NPAS4: variants seen among roughly 807,000 people sequenced by gnomAD.
NPAS4 encodes the protein neuronal PAS domain protein 4, also known as neuronal PAS domain-containing protein 4.
A neutral mutation model predicts 64.0 loss-of-function variants in NPAS4; 10 were observed. The observed-to-expected ratio is 0.16, with a 90% CI of 0.10 to 0.26. The LOEUF is 0.26. NPAS4 is among the 10% of genes least tolerant of loss of function. The pLI is 1.00. For synonymous variants in NPAS4, 441 were observed against 411.7 expected, an observed-to-expected ratio of 1.07 and a Z score of -0.86; for missense variants, 886 against 992.6, an observed-to-expected ratio of 0.89 and a Z score of 1.44.
Position 66,424,306 on chromosome 11 carries a change from C to G in NPAS4, c.1416C>G (p.Pro472=). 1 of 1,614,182 alleles carries G rather than the reference C, an allele frequency of 6.2e-7. No homozygotes were observed. The highest frequency in any genetic ancestry group is 8.5e-7 in the Non-Finnish European group (1 of 1,180,024). ...CGACCTTCTCTGATCAGTTGACGCC[C>G]AGCAGTGCAACCTTCCCAGATCCAC... ...STATFSDQLT[P]SSATFPDPLT... The change falls in exon 7 of 8, where the codon CCC becomes CCG. Residue 472 remains proline (P), a synonymous_variant. Transcript: ENST00000311034.
At position 66,423,816 on chromosome 11, in the gene NPAS4, C is replaced by T. The variant is rs772926889; in HGVS notation, c.945-19C>T. 1.9e-6 allele frequency: 3 copies of T among 1,600,512 alleles called. No homozygotes were observed. The South Asian group carries it at 3.4e-5, about 18-fold the overall frequency. On this transcript the variant is annotated intron_variant, in intron 6 of 7. Transcript: ENST00000311034. ...ATGGACGTCGGACCCTTACCAGCTG[C>T]CTCTTCTCTCCTCTCCAGTGACATG...
chr11:66,411,623 C>A, the NPAS4 span, among the ~76,000 whole-genome samples: 3 of 152,214 alleles, frequency 2.0e-5, no homozygotes. Flanking sequence ...CTTCCTGGTG[C>A]TCCTCCCCTC....
chr11:66,421,148 G>A lies in NPAS4; in HGVS notation c.-32G>A. On this transcript the variant is annotated 5_prime_UTR_variant, in exon 1 of 8. Coordinates refer to ENST00000311034, the MANE Select transcript of NPAS4 (RefSeq NM_178864.4). ...TCGGGACGGGAGCGCAGGTGCTCGG[G>A]CACCCGAGCTGGAGCTCCGCAGCCG... 6.4e-7 allele frequency: 1 copy of A among 1,561,756 alleles called. No individual in the cohort carries two copies. The highest frequency in any genetic ancestry group is 8.7e-7 in the Non-Finnish European group (1 of 1,152,174).
At position 66,422,694 on chromosome 11, in the gene NPAS4, T is replaced by C; in HGVS notation, c.451T>C (p.Phe151Leu). ...LDTDRLFRCRFNTSKSLRRQS... is the reference protein window; with the variant it reads ...LDTDRLFRCRLNTSKSLRRQS... ...TCTAGATCGCCTCTTCCGCTGCCGC[T>C]TCAACACCTCCAAGTCCCTCAGGCG... The change falls in exon 4 of 8, where the codon TTC becomes CTC. Residue 151 changes from phenylalanine to leucine, a missense_variant. This residue lies in a region of NPAS4 where 820 missense variants were observed against 855.5 expected (regional missense o/e 0.96). Coordinates refer to ENST00000311034, the MANE Select transcript of NPAS4 (RefSeq NM_178864.4). The C allele has an allele frequency of 6.2e-7, 1 of 1,614,002 alleles. No homozygotes were observed. Among genetic ancestry groups the C allele is most frequent in the Non-Finnish European group, 8.5e-7 (1 of 1,179,974 alleles).
At position 66,424,088 on chromosome 11, in the gene NPAS4, A is replaced by C. The variant is rs748241972; in HGVS notation, c.1198A>C (p.Ser400Arg). Residue 400 changes from serine to arginine, a missense_variant, in exon 7 of 8, where the codon AGT (serine) becomes CGT (arginine). Around this residue, in one of 3 missense-constraint regions of NPAS4, gnomAD observed 820 missense variants for 855.5 expected, o/e 0.96. Coordinates refer to ENST00000311034, the MANE Select transcript of NPAS4 (RefSeq NM_178864.4). ...CCGACCCTCCAAAGAACTGGACTTCAGTTACCTGACATTCCCTTCTGGGCC... is the reference window on the plus strand; with the variant it reads ...CCGACCCTCCAAAGAACTGGACTTCCGTTACCTGACATTCCCTTCTGGGCC... ...LPRPSKELDF[S>R]YLTFPSGPEP... The C allele has an allele frequency of 6.2e-7, 1 of 1,614,092 alleles. No individual in the cohort carries two copies. Among genetic ancestry groups the C allele is most frequent in the Non-Finnish European group, 8.5e-7 (1 of 1,180,014 alleles).
rs374517509 is a variant in NPAS4, at chr11:66,423,659, T to C, written c.890T>C (p.Leu297Pro). Residue 297 changes from leucine (L) to proline (P), a missense_variant, in exon 6 of 8, where the codon CTG becomes CCG. Coordinates refer to ENST00000311034, the MANE Select transcript of NPAS4 (RefSeq NM_178864.4). ...KTGGWAWIYC[L>P]LYSEGPEGPI... The stretch of plus-strand genomic sequence containing the variant: ...GGAGGCTGGGCATGGATTTACTGCC[T>C]GTTATACTCAGAAGGTCCAGAGGGA... 6.2e-7 allele frequency: 1 copy of C among 1,614,066 alleles called. No individual in the cohort carries two copies. The highest frequency in any genetic ancestry group is 1.3e-5 in the African/African-American group (1 of 74,932).
the NPAS4 span, among the ~76,000 whole-genome samples, chr11:66,412,521 C>G: frequency 6.6e-6 from 1 of 152,246 alleles, no homozygotes; most frequent in Non-Finnish European, 1.5e-5. Flanking sequence ...CCCCTGCCGT[C>G]TCTGCATAGC....
Position 66,422,662 on chromosome 11 carries a change from T to A in NPAS4, c.431-12T>A. 1.2e-6 allele frequency: 2 copies of A among 1,613,548 alleles called. No individual in the cohort carries two copies. The highest frequency in any genetic ancestry group is 1.7e-6 in the Non-Finnish European group (2 of 1,179,610). ...CTCACCCTCTTATCTGTTTTTCTCT[T>A]CATCTATCTAGATCGCCTCTTCCGC... is the stretch of plus-strand genomic sequence containing the variant. On this transcript the variant is annotated splice_polypyrimidine_tract_variant and intron_variant, in intron 3 of 7. Transcript: ENST00000311034.
upstream of NPAS4, among the ~76,000 whole-genome samples, chr11:66,419,781 G>T: frequency 6.6e-6 from 1 of 152,226 alleles, no homozygotes; most frequent in Non-Finnish European, 1.5e-5. Context: ...AACGAAGGTG[G>T]AAAGTGGAGA....
In NPAS4 at chr11:66,425,245, C is replaced by T. The variant is rs1311625839; in HGVS notation, c.2355C>T (p.Ser785=). 27 of 1,515,268 alleles carry T rather than the reference C, an allele frequency of 1.8e-5. No homozygotes were observed. The highest frequency in any genetic ancestry group is 2.4e-5 in the Non-Finnish European group (27 of 1,134,230). The allele number at this position is 1,515,268 out of a possible 1,614,324, so 93.9% of individuals were successfully genotyped here. A position where few individuals can be genotyped will look rare whatever the true frequency, so the allele number is the denominator to read the frequency against. Residue 785 remains serine (S), a synonymous_variant, in exon 7 of 8, where the codon AGC becomes AGT. Transcript: ENST00000311034. ...GFTDELHQLQ[S]QVQDSFHEDG... ...CTGATGAGTTGCATCAACTCCAGAGCCAAGTTCAAGACAGCTTCCATGAAG... is the reference window on the plus strand; with the variant it reads ...CTGATGAGTTGCATCAACTCCAGAGTCAAGTTCAAGACAGCTTCCATGAAG...
chr11:66,415,193 G>T, the NPAS4 span, among the ~76,000 whole-genome samples: 2 of 152,344 alleles, frequency 1.3e-5, no homozygotes, highest in East Asian at 1.9e-4. Context: ...AGGAAGTGGA[G>T]CATCATCCTG....
chr11:66,410,654 C>T, the NPAS4 span: 1 of 152,382 alleles, frequency 6.6e-6, no homozygotes, highest in East Asian at 1.9e-4. Context: ...TCCGGGTCCA[C>T]CTCCACCAAG....
Position 66,423,627 on chromosome 11 carries a change from C to A in NPAS4, c.858C>A (p.Ala286=), listed in dbSNP as rs866145788. 1.9e-6 allele frequency: 3 copies of A among 1,614,048 alleles called. No individual in the cohort carries two copies. In the Middle Eastern group the frequency reaches 5.0e-4, roughly 266 times the overall value. The change falls in exon 6 of 8, where the codon GCC becomes GCA. Residue 286 remains alanine (A), a synonymous_variant. Coordinates refer to ENST00000311034, the MANE Select transcript of NPAS4 (RefSeq NM_178864.4). ...CAGAGATGGTGGTGAGGCTACAGGC[C>A]AAGACTGGAGGCTGGGCATGGATTT... ...IQAEMVVRLQ[A]KTGGWAWIYC...
In NPAS4 at chr11:66,424,927, C is replaced by T. The variant is rs762543288; in HGVS notation, c.2037C>T (p.Pro679=). 5.6e-6 allele frequency: 9 copies of T among 1,613,948 alleles called. No homozygotes were observed. The highest frequency in any genetic ancestry group is 6.8e-6 in the Non-Finnish European group (8 of 1,180,018). The change falls in exon 7 of 8, where the codon CCC becomes CCT. Residue 679 remains proline (P), a synonymous_variant. Coordinates refer to ENST00000311034, the MANE Select transcript of NPAS4 (RefSeq NM_178864.4). ...DSNLSLSGAG[P]PVLSLDLKPW... is the part of the protein sequence containing the mutation. ...ACCTGTCCCTGTCAGGGGCAGGCCC[C>T]CCTGTGCTCAGCCTGGACCTGAAAC...
intron 7 of NPAS4, among the ~76,000 whole-genome samples, chr11:66,425,736 C>G (rs1236608712): frequency 6.6e-6 from 1 of 152,192 alleles, no homozygotes; most frequent in Non-Finnish European, 1.5e-5. Flanking sequence ...GCCCCTGACT[C>G]CATTGAGGTA....
In NPAS4 at chr11:66,421,260, G is replaced by A. The variant is rs1219976181; in HGVS notation, c.81G>A (p.Leu27=). Residue 27 remains leucine, a synonymous_variant, in exon 1 of 8, where the codon CTG becomes CTA. Coordinates refer to ENST00000311034, the MANE Select transcript of NPAS4 (RefSeq NM_178864.4). ...AGATCCGGAACCTCAAGGAGCTGCT[G>A]CCGCTGGCCGAAGCGGACAAGGTCC... ...NAEIRNLKEL[L]PLAEADKVRL... is the part of the protein sequence containing the mutation. 1.9e-6 allele frequency: 3 copies of A among 1,613,976 alleles called. No homozygotes were observed. The Admixed American group carries it at 5.0e-5, about 27-fold the overall frequency.
chr11:66,415,733 G>A, the NPAS4 span, among the ~76,000 whole-genome samples: 1 of 152,204 alleles, frequency 6.6e-6, no homozygotes, highest in Non-Finnish European at 1.5e-5. Flanking sequence ...AGGAACTAGG[G>A]GTGAGGCTCA....
In NPAS4 at chr11:66,425,113, G is replaced by A. The variant is rs151135507; in HGVS notation, c.2223G>A (p.Ser741=). 1.9e-5 allele frequency: 30 copies of A among 1,604,810 alleles called. 1 individual carries two copies. Among genetic ancestry groups the A allele is most frequent in the Admixed American group, 3.5e-5 (2 of 57,496 alleles). The change falls in exon 7 of 8, where the codon TCG becomes TCA. Residue 741 remains serine, a synonymous_variant. Transcript: ENST00000311034. Reference sequence around the variant, plus strand: ...CAGAGGGCCCAGGAGGGGCCCCATCGCCTTGCAACAACCTGTCCCCAGAAG... The same window carrying A: ...CAGAGGGCCCAGGAGGGGCCCCATCACCTTGCAACAACCTGTCCCCAGAAG... ...PEAEGPGGAP[S]PCNNLSPEDH...
rs1856769326 is a variant in NPAS4 at position 66,422,854 on chromosome 11, G to A, written c.611G>A (p.Gly204Asp). The A allele has an allele frequency of 6.2e-7, 1 of 1,612,630 alleles. No individual in the cohort carries two copies. The highest frequency in any genetic ancestry group is 1.3e-5 in the African/African-American group (1 of 74,918). Residue 204 changes from glycine to aspartate, a missense_variant, in exon 4 of 8, where the codon GGC becomes GAC. Gly to Asp is a moderately conservative substitution (Grantham distance 94). Around this residue, in one of 3 missense-constraint regions of NPAS4, gnomAD observed 820 missense variants for 855.5 expected, o/e 0.96. Transcript: ENST00000311034. ...PLEPRPRPGP[G>D]PGPGPASLFL... is the part of the protein sequence containing the mutation. ...GAGCCGAGACCCCGCCCAGGTCCTG[G>A]CCCTGGCCCTGGCCCTGCCTCGCTC...
Sources: allele counts gnomAD v4.1 joint callset (sites outside exome capture counted in the v4.1 genomes callset), GRCh38; gene constraint gnomAD v4.1.1; regional missense constraint gnomAD v4.1.1; transcripts MANE v1.5; gene names NCBI Gene and HGNC (gene_info 2026-07-23, HGNC 2026-07-21).